The following FER variants were observed in gnomAD, a reference collection of about 807,000 sequenced individuals.
The protein encoded by FER is FER tyrosine kinase.
In FER, 63 loss-of-function variants were observed where a neutral mutation model predicts 111.0. That is an observed-to-expected ratio of 0.57 (90% confidence interval 0.46 to 0.70). FER has a LOEUF of 0.70. FER is among the 30% of genes least tolerant of loss of function. The pLI is 0.00. For missense variants in FER, 914 were observed against 954.0 expected (o/e 0.96, Z 0.55); for synonymous variants, 327 against 313.9 (o/e 1.04, Z -0.44).
intron 10 of FER, among the ~76,000 whole-genome samples, chr5:108,928,467 T>C (rs1754096365): frequency 1.3e-5 from 2 of 152,212 alleles, no homozygotes; most frequent in Admixed American, 6.5e-5. Context: ...TCTTGAAATG[T>C]ATTATAGGGC....
chr5:109,066,887 G>T (rs1482742762), intron 16 of FER, among the ~76,000 whole-genome samples: 1 of 152,074 alleles, frequency 6.6e-6, no homozygotes, highest in East Asian at 1.9e-4. Context: ...TTCAAATTTT[G>T]ATATGAAAAA....
At chr5:108,815,423 A>G (rs989235869) in intron 3 of FER, among the ~76,000 whole-genome samples, 3 of 152,118 alleles carry the variant, frequency 2.0e-5, no homozygotes, top group Non-Finnish European at 4.4e-5. Context: ...GTTTGTTCTC[A>G]GACTTTTGTA....
At chr5:108,994,591 G>C (rs1181025420) in intron 13 of FER, among the ~76,000 whole-genome samples, 2 of 152,050 alleles carry the variant, frequency 1.3e-5, no homozygotes, top group African/African-American at 4.8e-5. Flanking sequence ...TTGGCTATTT[G>C]GGGTCTTTTT....
At chr5:108,931,179 T>C (rs1011349460) in intron 10 of FER, among the ~76,000 whole-genome samples, 13 of 152,232 alleles carry the variant, frequency 8.5e-5, no homozygotes, top group Non-Finnish European at 1.6e-4. Flanking sequence ...TAGTTAGTGC[T>C]GCTGTCAGTG....
intron 17 of FER, among the ~76,000 whole-genome samples, chr5:109,147,808 G>T (rs982844274): frequency 1.8e-3 from 235 of 133,562 alleles, no homozygotes; most frequent in African/African-American, 2.2e-3. Flanking sequence ...TATAGAGAGA[G>T]AGAGAGAGAG....
intron 13 of FER, among the ~76,000 whole-genome samples, chr5:108,984,025 A>G (rs541200106): frequency 1.3e-5 from 2 of 152,242 alleles, no homozygotes; most frequent in Non-Finnish European, 1.5e-5. Context: ...TAAAAAAACA[A>G]AACAGACACG....
intron 3 of FER, among the ~76,000 whole-genome samples, chr5:108,825,782 T>C (rs184851871): frequency 6.6e-6 from 1 of 152,334 alleles, no homozygotes; most frequent in East Asian, 1.9e-4. Flanking sequence ...AACCAATAAA[T>C]GTCCATAAAA....
chr5:109,095,391 A>G (rs1747372995), intron 16 of FER, among the ~76,000 whole-genome samples: 2 of 151,998 alleles, frequency 1.3e-5, no homozygotes, highest in African/African-American at 4.8e-5. Context: ...TTTCAGACCT[A>G]ATGTTTCAGT....
chr5:109,134,536 A>C (rs975355281), intron 17 of FER, among the ~76,000 whole-genome samples: 1 of 152,108 alleles, frequency 6.6e-6, no homozygotes, highest in African/African-American at 2.4e-5. Context: ...AGCAATTAAA[A>C]CTAGATTTTG....
chr5:109,077,088 A>G (rs192708366), intron 16 of FER, among the ~76,000 whole-genome samples: 125 of 152,330 alleles, frequency 8.2e-4, no homozygotes, highest in Non-Finnish European at 1.5e-3. Flanking sequence ...TGCCTTTTAT[A>G]CACTGTCTTT....
At chr5:109,088,589 G>T (rs1439282501) in intron 16 of FER, among the ~76,000 whole-genome samples, 1 of 152,064 alleles carries the variant, frequency 6.6e-6, no homozygotes, top group African/African-American at 2.4e-5. Context: ...AAGATACAAA[G>T]ATGAAAAGTA....
rs183189506 is a variant in FER at position 109,060,559 on chromosome 5, C to T, written c.1924+13361C>T. ...ATTAGCTGGGCGTGGTGGTGTGTGC[C>T]TGTAGTCTCAGCTACTCAGAAGGCT... is the stretch of plus-strand genomic sequence containing the variant. On this transcript the variant is annotated intron_variant, in intron 16 of 19. Coordinates refer to ENST00000281092, the MANE Select transcript of FER (RefSeq NM_005246.4). Among the ~76,000 whole-genome samples the T allele has an allele frequency of 4.1e-3, 620 of 152,086 alleles. 3 individuals carry two copies. The highest frequency in any genetic ancestry group is 5.4e-3 in the Non-Finnish European group (368 of 67,970).
At chr5:109,007,717 A>G (rs1478875514) in intron 13 of FER, among the ~76,000 whole-genome samples, 2 of 152,204 alleles carry the variant, frequency 1.3e-5, no homozygotes, top group African/African-American at 4.8e-5. Flanking sequence ...AAAACTATAA[A>G]CATTCATTTA....
chr5:108,872,222 C>G lies in FER; in HGVS notation c.923+10C>G. ...AAAGTTTGCAAGTAATGTAAGTATT[C>G]ACAAAATATCAACAGTTTAAATACT... On this transcript the variant is annotated intron_variant, in intron 8 of 19. Transcript: ENST00000281092. 6.3e-7 allele frequency: 1 copy of G among 1,593,166 alleles called. No homozygotes were observed. Among genetic ancestry groups the G allele is most frequent in the Non-Finnish European group, 8.5e-7 (1 of 1,170,162 alleles).
intron 17 of FER, among the ~76,000 whole-genome samples, chr5:109,105,230 TTGTGTGTGTGTGTGTG>T (rs72106747): frequency 0.085 from 11,841 of 138,614 alleles, 546 homozygotes; most frequent in Middle Eastern, 0.16. Context: ...CAGCTTATAT[TTGTGTGTGTGTGTGTG>T]TGTGTGTGTG....
chr5:109,138,750 G>C (rs1753181604), intron 17 of FER, among the ~76,000 whole-genome samples: 1 of 152,158 alleles, frequency 6.6e-6, no homozygotes, highest in African/African-American at 2.4e-5. Context: ...TCTCGAAGCA[G>C]TTAGGAGACT....
intron 13 of FER, among the ~76,000 whole-genome samples, chr5:109,032,432 T>C (rs781022390): frequency 1.3e-5 from 2 of 152,166 alleles, no homozygotes; most frequent in Non-Finnish European, 2.9e-5. Context: ...TTTCCTGTAT[T>C]ACATCTCTTT....
intron 1 of FER, among the ~76,000 whole-genome samples, chr5:108,752,341 AATG>A (rs1406415527): frequency 3.9e-5 from 6 of 152,190 alleles, no homozygotes; most frequent in Admixed American, 1.3e-4. Context: ...ATTCTACCAT[AATG>A]ATTTGAAAAC....
In FER at chr5:109,033,967, A is replaced by T. The variant is rs575829590; in HGVS notation, c.1657-3455A>T. ...CTAACTAACATATCCATCACTTCAC[A>T]TAACTTATTTTTGGTAGTGAGATCA... On this transcript the variant is annotated intron_variant, in intron 13 of 19. Coordinates refer to ENST00000281092, the MANE Select transcript of FER (RefSeq NM_005246.4). 2.0e-5 allele frequency among the ~76,000 whole-genome samples: 3 copies of T among 152,312 alleles called. No individual in the cohort carries two copies. In the South Asian group the frequency reaches 6.2e-4, roughly 32 times the overall value.
Sources: allele counts gnomAD v4.1 joint callset (sites outside exome capture counted in the v4.1 genomes callset), GRCh38; gene constraint gnomAD v4.1.1; transcripts MANE v1.5; gene names NCBI Gene and HGNC (gene_info 2026-07-23, HGNC 2026-07-21).